Variants in OXCT1 observed in about 807,000 individuals in gnomAD.
OXCT1 encodes the protein succinyl-CoA:3-ketoacid coenzyme A transferase 1, mitochondrial.
OXCT1 carries 27 observed loss-of-function variants against 69.6 expected under a neutral mutation model. That is an observed-to-expected ratio of 0.39 (90% CI 0.29 to 0.54). The LOEUF (loss-of-function observed/expected upper bound fraction) is 0.54. Among genes scored for constraint, OXCT1 ranks in the 20% least tolerant of loss-of-function variants. The probability of loss-of-function intolerance (pLI) is 0.72; values close to 1 mark genes in which losing one functional copy is unlikely to be tolerated. For synonymous variants in OXCT1, 202 were observed against 217.8 expected (o/e 0.93, Z 0.64); for missense variants, 437 against 650.2 (o/e 0.67, Z 3.57).
At chr5:41,840,959 T>G (rs1748602110) in intron 6 of OXCT1, among the ~76,000 whole-genome samples, 1 of 152,210 alleles carries the variant, frequency 6.6e-6, no homozygotes, top group South Asian at 2.1e-4. Flanking sequence ...AATTACATTC[T>G]CTATTGAAGA....
rs569224513 is a variant in OXCT1 at position 41,827,580 on chromosome 5, A to G, written c.732+12871T>C. On this transcript the variant is annotated intron_variant, in intron 7 of 16. Coordinates refer to ENST00000196371, the MANE Select transcript of OXCT1 (RefSeq NM_000436.4). ...GTGTGAAGTTCTGAACACTGTTTAT[A>G]AGAAAGGGGAGTTAAATGAATCTAG... is the stretch of plus-strand genomic sequence containing the variant. 1.1e-4 allele frequency among the ~76,000 whole-genome samples: 17 copies of G among 152,298 alleles called. No homozygotes were observed. In the South Asian group the frequency reaches 3.5e-3, roughly 32 times the overall value.
chr5:41,832,406 C>T (rs1748142501), intron 7 of OXCT1, among the ~76,000 whole-genome samples: 1 of 152,052 alleles, frequency 6.6e-6, no homozygotes, highest in Non-Finnish European at 1.5e-5. Context: ...GAACAGCAGT[C>T]TCTACCTGGT....
chr5:41,819,193 A>C (rs1561102165), intron 7 of OXCT1, among the ~76,000 whole-genome samples: 1 of 152,202 alleles, frequency 6.6e-6, no homozygotes, highest in Non-Finnish European at 1.5e-5. Context: ...AGAGAGCAAA[A>C]TTAGGAAAAG....
intron 15 of OXCT1, among the ~76,000 whole-genome samples, chr5:41,749,198 GAAAT>G (rs1743647606): frequency 6.6e-6 from 1 of 152,060 alleles, no homozygotes; most frequent in Non-Finnish European, 1.5e-5. Flanking sequence ...AGAAAAGGTA[GAAAT>G]AATATATTCA....
chr5:41,805,439 A>T (rs75649403), intron 9 of OXCT1, 128 bp downstream of exon 9: 3 of 660,414 alleles, frequency 4.5e-6, no homozygotes, highest in Non-Finnish European at 8.0e-6. Flanking sequence ...AAAAAAAAAA[A>T]TTGATTAATT....
intron 7 of OXCT1, among the ~76,000 whole-genome samples, chr5:41,823,279 T>TC (rs35030469): frequency 6.6e-6 from 1 of 152,006 alleles, no homozygotes; most frequent in Non-Finnish European, 1.5e-5. Context: ...TGTCCACTTT[T>TC]CCCCCCTCCC....
At chr5:41,767,485 C>T (rs535227673) in intron 13 of OXCT1, among the ~76,000 whole-genome samples, 2 of 151,664 alleles carry the variant, frequency 1.3e-5, no homozygotes, top group Admixed American at 1.3e-4. Context: ...TCTCTTGTTC[C>T]TGTTCTCTCA....
intron 10 of OXCT1, among the ~76,000 whole-genome samples, chr5:41,802,316 A>G (rs1746460418): frequency 6.6e-6 from 1 of 152,084 alleles, no homozygotes; most frequent in African/African-American, 2.4e-5. Context: ...TTATCTACTG[A>G]GAAATAAAAG....
chr5:41,858,405 T>C (rs890352014), intron 3 of OXCT1, among the ~76,000 whole-genome samples: 1 of 152,162 alleles, frequency 6.6e-6, no homozygotes, highest in Admixed American at 6.5e-5. Flanking sequence ...TAGAGACATG[T>C]ATATTAAACC....
chr5:41,752,550 C>G (rs549873549), intron 14 of OXCT1, among the ~76,000 whole-genome samples: 15 of 152,092 alleles, frequency 9.9e-5, no homozygotes, highest in Admixed American at 3.3e-4. Flanking sequence ...GCCAGCAGTT[C>G]TAGAACACCC....
At chr5:41,858,855 A>C (rs1161168870) in intron 3 of OXCT1, among the ~76,000 whole-genome samples, 2 of 152,234 alleles carry the variant, frequency 1.3e-5, no homozygotes, top group Non-Finnish European at 2.9e-5. Context: ...AGTACCAAAA[A>C]CAAAATGCTT....
intron 7 of OXCT1, among the ~76,000 whole-genome samples, chr5:41,834,290 G>A (rs564784072): frequency 6.6e-6 from 1 of 151,806 alleles, no homozygotes. Context: ...AAAATGGCAC[G>A]AATAAGTCCC....
intron 13 of OXCT1, among the ~76,000 whole-genome samples, chr5:41,779,060 G>C (rs1745270385): frequency 6.6e-6 from 1 of 152,050 alleles, no homozygotes; most frequent in Non-Finnish European, 1.5e-5. Flanking sequence ...ATCACTATAG[G>C]CTAAATTATT....
intron 7 of OXCT1, among the ~76,000 whole-genome samples, chr5:41,823,663 G>A (rs1413528910): frequency 6.6e-6 from 1 of 152,198 alleles, no homozygotes; most frequent in Non-Finnish European, 1.5e-5. Flanking sequence ...GAGAATGGGT[G>A]TGGCAACTTC....
chr5:41,799,546 T>C (rs1280083790), intron 11 of OXCT1, among the ~76,000 whole-genome samples: 1 of 152,222 alleles, frequency 6.6e-6, no homozygotes, highest in Non-Finnish European at 1.5e-5. Flanking sequence ...AAACACCTAC[T>C]GTCCAACCAC....
At chr5:41,736,787 C>A (rs557197859) in intron 16 of OXCT1, among the ~76,000 whole-genome samples, 22 of 152,214 alleles carry the variant, frequency 1.4e-4, no homozygotes, top group African/African-American at 5.3e-4. Flanking sequence ...CCAATCATTC[C>A]CTTCTAGAAT....
At position 41,731,595 on chromosome 5, in the gene OXCT1, C is replaced by A; in HGVS notation, c.*134G>T. 7.8e-7 allele frequency: 1 copy of A among 1,280,074 alleles called. No homozygotes were observed. 79.3% of individuals were successfully genotyped at this position (1,280,074 alleles called of 1,614,324 possible). A position where few individuals can be genotyped will look rare whatever the true frequency, so the allele number is the denominator to read the frequency against. Reference sequence around the variant, plus strand: ...GCCTAGAGAACAGTTTATATGGCTGCATAAAGTCTGAAACACAAGAAAACT... The same window carrying A: ...GCCTAGAGAACAGTTTATATGGCTGAATAAAGTCTGAAACACAAGAAAACT... On this transcript the variant is annotated 3_prime_UTR_variant, in exon 17 of 17. Coordinates refer to ENST00000196371, the MANE Select transcript of OXCT1 (RefSeq NM_000436.4).
At chr5:41,768,185 T>C (rs550955099) in intron 13 of OXCT1, among the ~76,000 whole-genome samples, 1 of 152,334 alleles carries the variant, frequency 6.6e-6, no homozygotes, top group South Asian at 2.1e-4. Flanking sequence ...CAGCCTTCCT[T>C]GAAGTTACAA....
intron 13 of OXCT1, among the ~76,000 whole-genome samples, chr5:41,782,114 CT>C (rs71608624): frequency 3.3e-3 from 455 of 136,912 alleles, no homozygotes; most frequent in South Asian, 4.9e-3. Flanking sequence ...TTGCCAGCAT[CT>C]TTTTTTTTTT....
Sources: allele counts gnomAD v4.1 joint callset (sites outside exome capture counted in the v4.1 genomes callset), GRCh38; gene constraint gnomAD v4.1.1; transcripts MANE v1.5; gene names NCBI Gene and HGNC (gene_info 2026-07-23, HGNC 2026-07-21).